ACSM3: variants seen among roughly 807,000 people sequenced by gnomAD.
ACSM3 encodes the protein acyl-coenzyme A synthetase ACSM3, mitochondrial.
Under a neutral mutation model 74.1 loss-of-function variants are expected in ACSM3, and 61 were observed. The ratio of observed to expected loss-of-function variants is 0.82; its 90% confidence interval spans 0.67 to 1.02. ACSM3 has a LOEUF of 1.02. ACSM3 is among the 50% of genes least tolerant of loss of function. The pLI, the probability that ACSM3 is intolerant of heterozygous loss-of-function variation, is 0.00. For synonymous variants in ACSM3, 213 were observed against 241.5 expected (o/e 0.88, Z 1.09); for missense variants, 660 against 697.0 (o/e 0.95, Z 0.60).
chr16:20,769,520 T>G (rs1280601656), intron 1 of ACSM3, among the ~76,000 whole-genome samples: 1 of 152,250 alleles, frequency 6.6e-6, no homozygotes, highest in African/African-American at 2.4e-5. Flanking sequence ...ATCTACAGAT[T>G]ATCCACTGTG....
intron 1 of ACSM3, among the ~76,000 whole-genome samples, chr16:20,677,370 G>C (rs1328256593): frequency 3.9e-5 from 6 of 152,188 alleles, no homozygotes; most frequent in Admixed American, 6.5e-5. Context: ...GCATCACCCA[G>C]TGACATACTT....
intron 1 of ACSM3, among the ~76,000 whole-genome samples, chr16:20,769,750 AT>A (rs1368766356): frequency 2.0e-5 from 3 of 152,280 alleles, no homozygotes; most frequent in Admixed American, 2.0e-4. Context: ...CTTACTAGTC[AT>A]TTTCTCAATC....
intron 1 of ACSM3, chr16:20,735,491 T>G (rs2079861373): frequency 6.6e-6 from 1 of 151,976 alleles, no homozygotes; most frequent in Admixed American, 6.6e-5. Context: ...AGCATCTCTG[T>G]GGAGAAAGCA....
chr16:20,759,478 TA>T (rs371435499), upstream of ACSM3, among the ~76,000 whole-genome samples: 8,965 of 147,082 alleles, frequency 0.061, 912 homozygotes, highest in African/African-American at 0.21. Context: ...GAGAATGGTG[TA>T]AACCTGGGAG....
intron 2 of ACSM3, 56 bp downstream of exon 2, chr16:20,770,309 CT>C: frequency 7.0e-7 from 1 of 1,420,414 alleles, no homozygotes; most frequent in South Asian, 1.2e-5. Context: ...GATTTTACCC[CT>C]AGGTAACATC....
intron 1 of ACSM3, among the ~76,000 whole-genome samples, chr16:20,725,670 C>T (rs993914677): frequency 4.6e-5 from 7 of 152,096 alleles, no homozygotes; most frequent in African/African-American, 1.7e-4. Flanking sequence ...CCACCATCTG[C>T]GACAATCAAA....
At position 20,750,844 on chromosome 16, in the gene ACSM3, G is replaced by GTTTTTTTTTTTTTTTTTT. The variant is rs59655300; in HGVS notation, c.-96+842_-96+859dup. Among the ~76,000 whole-genome samples the GTTTTTTTTTTTTTTTTTT allele has an allele frequency of 1.7e-5, 2 of 115,350 alleles. 1 individual carries two copies. The allele number at this position is 115,350 out of a possible 152,430, so 75.7% of individuals were successfully genotyped here. ...GAGAGAATATAAGTTTTGGAGTCAG[G>GTTTTTTTTTTTTTTTTTT]TTTTTTTTTTTTTTTTTTGAAACGG... On this transcript the variant is annotated intron_variant, in intron 2 of 3. Coordinates refer to the ACSM3 transcript ENST00000561584.
chr16:20,775,976 A>T lies in ACSM3; in HGVS notation c.357A>T (p.Arg119Ser). ...TTTCAGAAGCCTGTTCCCTACAAAG[A>T]GGAGATCGGGTAATTCTGATTCTGC... Reference protein sequence around the residue: ...NILSEACSLQRGDRVILILPR... With the variant: ...NILSEACSLQSGDRVILILPR... Residue 119 changes from arginine (R) to serine (S), a missense_variant, in exon 3 of 14, where the codon AGA (arginine) becomes AGT (serine). Arg to Ser is a moderately radical substitution (Grantham distance 110). Coordinates refer to ENST00000289416, the MANE Select transcript of ACSM3 (RefSeq NM_005622.4). 6.2e-7 allele frequency: 1 copy of T among 1,614,154 alleles called. No individual in the cohort carries two copies. The highest frequency in any genetic ancestry group is 8.5e-7 in the Non-Finnish European group (1 of 1,180,022).
chr16:20,725,545 A>C (rs2079801845), intron 1 of ACSM3: 1 of 159,622 alleles, frequency 6.3e-6, no homozygotes, highest in Non-Finnish European at 1.4e-5. Flanking sequence ...TCTGAGTCTT[A>C]CCACTACTGA....
chr16:20,793,821 A>G (rs2080659855), intron 12 of ACSM3, among the ~76,000 whole-genome samples: 1 of 152,164 alleles, frequency 6.6e-6, no homozygotes, highest in Admixed American at 6.6e-5. Context: ...CTCCCCTACC[A>G]TTAGTCATCA....
chr16:20,691,341 G>A, intron 1 of ACSM3: 1 of 596,816 alleles, frequency 1.7e-6, no homozygotes, highest in South Asian at 2.9e-5. Flanking sequence ...CTTTGTTTCA[G>A]GTCACCAGAA....
At chr16:20,717,974 A>G (rs938147810) in intron 1 of ACSM3, among the ~76,000 whole-genome samples, 15 of 113,484 alleles carry the variant, frequency 1.3e-4, no homozygotes, top group South Asian at 3.0e-4. Context: ...AAGAAGAAGA[A>G]GAAGAAGAAG....
At chr16:20,714,692 GGAGA>G (rs142667433) in intron 1 of ACSM3, among the ~76,000 whole-genome samples, 4 of 151,516 alleles carry the variant, frequency 2.6e-5, no homozygotes, top group Non-Finnish European at 5.9e-5. Context: ...ACCATCGGTT[GGAGA>G]GAGAGAGAGA....
chr16:20,739,432 A>G (rs2079898885), intron 1 of ACSM3, among the ~76,000 whole-genome samples: 1 of 152,052 alleles, frequency 6.6e-6, no homozygotes, highest in Admixed American at 6.5e-5. Context: ...CAGCCTCCCA[A>G]AGTGCTGGGA....
intron 1 of ACSM3, chr16:20,718,511 G>A (rs2079773781): frequency 6.5e-6 from 2 of 307,292 alleles, no homozygotes; most frequent in South Asian, 2.7e-4. Flanking sequence ...AGAAAACTCT[G>A]GTTTTGGGTT....
chr16:20,771,076 T>G (rs959664574), intron 2 of ACSM3, among the ~76,000 whole-genome samples: 4 of 152,178 alleles, frequency 2.6e-5, no homozygotes, highest in Non-Finnish European at 4.4e-5. Context: ...TAGCCACAAT[T>G]CCACTCCCTA....
rs1596547006 is a variant in ACSM3, at chr16:20,797,130, G to A, written c.*158G>A. ...GTTATGATATCAGAGGCTAAATTTT[G>A]AAATAAAATATTTGGCAAATTCCTC... On this transcript the variant is annotated 3_prime_UTR_variant, in exon 14 of 14. Transcript: ENST00000289416. 2 of 1,364,536 alleles carry A rather than the reference G, an allele frequency of 1.5e-6. No individual in the cohort carries two copies. The highest frequency in any genetic ancestry group is 6.0e-5 in the East Asian group (2 of 33,606). 84.5% of individuals were successfully genotyped at this position (1,364,536 alleles called of 1,614,324 possible).
intron 1 of ACSM3, among the ~76,000 whole-genome samples, chr16:20,722,881 G>A (rs554202590): frequency 6.6e-6 from 1 of 152,154 alleles, no homozygotes; most frequent in East Asian, 1.9e-4. Flanking sequence ...ATAAATATTT[G>A]TTTTCTTTTT....
At chr16:20,776,112 A>C in intron 3 of ACSM3, 63 bp downstream of exon 3, 2 of 1,515,292 alleles carry the variant, frequency 1.3e-6, no homozygotes, top group Non-Finnish European at 1.8e-6. Flanking sequence ...TTTCCAGAAC[A>C]CCTAAGTAAT....
Sources: gnomAD v4.1 joint callset for allele counts (sites outside exome capture counted in the v4.1 genomes callset) on GRCh38, gnomAD v4.1.1 for gene constraint, MANE v1.5 for transcripts, NCBI Gene and HGNC (gene_info 2026-07-23, HGNC 2026-07-21) for gene names.